F8: variants seen among roughly 807,000 people sequenced by gnomAD.
The protein encoded by F8 is coagulation factor VIII.
In F8, 12 loss-of-function variants were observed where a neutral mutation model predicts 140.6. The observed-to-expected ratio is 0.09, with a 90% confidence interval of 0.05 to 0.14. The LOEUF (loss-of-function observed/expected upper bound fraction) is 0.14, where lower values mean the gene tolerates loss of function less well. F8 is among the 10% of genes least tolerant of loss of function. F8 has a pLI of 1.00. For synonymous variants in F8, 585 were observed against 614.6 expected (o/e 0.95, Z 0.71); for missense variants, 1,354 against 1,720.7 (o/e 0.79, Z 3.77).
intron 21 of F8, among the ~76,000 whole-genome samples, chrX:154,896,652 T>C (rs1052252801): frequency 2.7e-5 from 3 of 111,277 alleles, no homozygotes; most frequent in African/African-American, 9.8e-5. Flanking sequence ...TCCCCTCTCC[T>C]GAAACCAGAC....
At chrX:155,022,379 C>T (rs2073764074) in intron 1 of F8, 31 bp downstream of exon 1, 1 of 1,200,287 alleles carries the variant, frequency 8.3e-7, no homozygotes, top group African/African-American at 1.7e-5. Context: ...CAATCCTGGC[C>T]CCGATCAGAC....
chrX:154,898,179 T>C (rs1306056215), intron 21 of F8: 1 of 111,623 alleles, frequency 9.0e-6, no homozygotes, highest in Non-Finnish European at 1.9e-5. Context: ...CTCTTGTGTC[T>C]TGGGGCCAGG....
chrX:154,841,574 T>G (rs1557271350), intron 25 of F8, among the ~76,000 whole-genome samples: 2 of 111,415 alleles, frequency 1.8e-5, no homozygotes, highest in African/African-American at 6.5e-5. Context: ...TTAAAAATTC[T>G]AATAATTTAT....
At chrX:154,968,918 CT>C (rs1449065086) in intron 7 of F8, among the ~76,000 whole-genome samples, 1 of 108,672 alleles carries the variant, frequency 9.2e-6, no homozygotes, top group Non-Finnish European at 1.9e-5. Flanking sequence ...TGGACAATGC[CT>C]TTTTTTCCCA....
intron 6 of F8, among the ~76,000 whole-genome samples, chrX:154,975,983 C>T (rs964620541): frequency 5.4e-5 from 6 of 111,535 alleles, no homozygotes; most frequent in Admixed American, 9.5e-5. Context: ...GCAAGCTCCG[C>T]CTCCCGGGTT....
intron 14 of F8, among the ~76,000 whole-genome samples, chrX:154,920,622 T>C (rs2073125242): frequency 9.1e-6 from 1 of 110,033 alleles, no homozygotes. Flanking sequence ...TTTACTAATT[T>C]TTAAATTTTT....
intron 1 of F8, among the ~76,000 whole-genome samples, chrX:155,005,879 T>C (rs1569560043): frequency 9.0e-6 from 1 of 111,604 alleles, no homozygotes; most frequent in African/African-American, 3.3e-5. Context: ...TGCAGAGCCA[T>C]CCTAGCTTGA....
intron 25 of F8, among the ~76,000 whole-genome samples, chrX:154,860,039 G>A (rs1215606239): frequency 9.0e-6 from 1 of 111,136 alleles, no homozygotes; most frequent in Non-Finnish European, 1.9e-5. Flanking sequence ...ACCAAAGAGA[G>A]GAACTATTCC....
intron 3 of F8, among the ~76,000 whole-genome samples, chrX:154,994,344 T>C (rs1557284921): frequency 8.9e-6 from 1 of 112,144 alleles, no homozygotes; most frequent in African/African-American, 3.2e-5. Flanking sequence ...ATAAACAAAA[T>C]GACACTAGCA....
chrX:154,901,292 T>A (rs2073008314), intron 20 of F8, 79 bp downstream of exon 20: 2 of 676,130 alleles, frequency 3.0e-6, no homozygotes, highest in Non-Finnish European at 4.9e-6. Context: ...GATGGATTCA[T>A]TATCTGAGAT....
intron 14 of F8, among the ~76,000 whole-genome samples, chrX:154,915,754 T>G (rs189095263): frequency 2.7e-5 from 3 of 112,235 alleles, no homozygotes; most frequent in Non-Finnish European, 3.8e-5. Context: ...TAACATTATA[T>G]CGTCTACAAA....
rs782598596 is a variant in F8, at chrX:154,987,271, G to C, written c.636C>G (p.His212Gln). Residue 212 changes from histidine (H) to glutamine (Q), a missense_variant, in exon 5 of 26, where the codon CAC becomes CAG. Physicochemically the swap from His to Gln is conservative, Grantham distance 24 (BLOSUM62 0). Around this residue, in one of 4 missense-constraint regions of F8, gnomAD observed 128 missense variants for 230.4 expected, o/e 0.56. Coordinates refer to ENST00000360256, the MANE Select transcript of F8 (RefSeq NM_000132.4). ...ATACAGCAAAAAGTAGTATAAATTT[G>C]TGCAAGGTCTGTGTCTTTTCCTTGG... ...SLAKEKTQTL[H>Q]KFILLFAVFD... 8.3e-7 allele frequency: 1 copy of C among 1,210,397 alleles called. No individual in the cohort carries two copies. Among genetic ancestry groups the C allele is most frequent in the Non-Finnish European group, 1.1e-6 (1 of 894,336 alleles).
At chrX:154,987,085 G>A in intron 5 of F8, 152 bp downstream of exon 5, 1 of 469,174 alleles carries the variant, frequency 2.1e-6, no homozygotes, top group Non-Finnish European at 3.7e-6. Flanking sequence ...TGGAACTGAG[G>A]TTACGTTTTG....
chrX:154,914,392 G>A (rs1053910487), intron 14 of F8, among the ~76,000 whole-genome samples: 4 of 112,629 alleles, frequency 3.6e-5, no homozygotes, highest in Non-Finnish European at 7.5e-5. Flanking sequence ...TCTGTAGCTG[G>A]GTTGAATTTC....
chrX:155,009,953 C>T (rs181812580), intron 1 of F8, among the ~76,000 whole-genome samples: 32 of 110,827 alleles, frequency 2.9e-4, no homozygotes, highest in African/African-American at 1.1e-3. Context: ...GGCCTAGGCC[C>T]TAGGTCAAGT....
At chrX:154,933,046 C>A (rs1258748973) in intron 13 of F8, among the ~76,000 whole-genome samples, 6 of 111,419 alleles carry the variant, frequency 5.4e-5, no homozygotes, top group African/African-American at 1.6e-4. Context: ...GAATGGTGAC[C>A]AAGCTGGAGT....
At chrX:154,989,872 T>C (rs2073578229) in intron 4 of F8, among the ~76,000 whole-genome samples, 1 of 112,216 alleles carries the variant, frequency 8.9e-6, no homozygotes, top group Non-Finnish European at 1.9e-5. Context: ...GGATACTCAA[T>C]CAGTATTTTG....
At chrX:155,013,014 C>T (rs918745826) in intron 1 of F8, among the ~76,000 whole-genome samples, 17 of 108,464 alleles carry the variant, frequency 1.6e-4, no homozygotes, top group Admixed American at 3.9e-4. Flanking sequence ...GGCGTGGTGG[C>T]GGGCGCCTGT....
intron 22 of F8, among the ~76,000 whole-genome samples, chrX:154,893,606 T>A (rs1489659175): frequency 9.8e-5 from 11 of 111,716 alleles, no homozygotes; most frequent in South Asian, 3.7e-4. Context: ...GATTTTTTTT[T>A]ATCTTGCCCA....
Sources: allele counts gnomAD v4.1 joint callset (sites outside exome capture counted in the v4.1 genomes callset), GRCh38; gene constraint gnomAD v4.1.1; regional missense constraint gnomAD v4.1.1; transcripts MANE v1.5; gene names NCBI Gene and HGNC (gene_info 2026-07-23, HGNC 2026-07-21).